The following CSMD1 variants were observed in gnomAD, a reference collection of about 807,000 sequenced individuals.
The protein encoded by CSMD1 is CUB and Sushi multiple domains 1.
In CSMD1, 213 loss-of-function variants were observed where a neutral mutation model predicts 417.5. That is an observed-to-expected ratio of 0.51 (90% CI 0.46 to 0.57). The LOEUF (loss-of-function observed/expected upper bound fraction) is 0.57. Among genes scored for constraint, CSMD1 ranks in the 20% least tolerant of loss-of-function variants. The pLI is 0.00. For missense variants in CSMD1, 6,923 were observed against 4,529.7 expected, an observed-to-expected ratio of 1.53 and a Z score of -15.17; for synonymous variants, 2,862 against 1,736.8, an observed-to-expected ratio of 1.65 and a Z score of -16.11.
chr8:3,285,339 C>T lies in CSMD1; in HGVS notation c.3951-993G>A, dbSNP rs1342090819. 2.0e-5 allele frequency among the ~76,000 whole-genome samples: 3 copies of T among 151,740 alleles called. No individual in the cohort carries two copies. The East Asian group carries it at 5.8e-4, about 29-fold the overall frequency. On this transcript the variant is annotated intron_variant, in intron 25 of 69. Transcript: ENST00000635120. ...TCCTTAAATATAGAGAAAAGTATAGCAGATAGTAGATCTTTATTTTCCTAC... is the reference window on the plus strand; with the variant it reads ...TCCTTAAATATAGAGAAAAGTATAGTAGATAGTAGATCTTTATTTTCCTAC...
intron 3 of CSMD1, among the ~76,000 whole-genome samples, chr8:4,313,475 G>T (rs191653155): frequency 9.6e-4 from 132 of 138,052 alleles, no homozygotes; most frequent in African/African-American, 3.4e-3. Flanking sequence ...GCAGGAACCC[G>T]AAGAGCTCCC....
At chr8:3,751,912 C>G (rs1797361919) in intron 6 of CSMD1, among the ~76,000 whole-genome samples, 1 of 152,110 alleles carries the variant, frequency 6.6e-6, no homozygotes, top group African/African-American at 2.4e-5. Context: ...GTTAATCAAC[C>G]TAACTGACTA....
At position 4,375,561 on chromosome 8, in the gene CSMD1, A is replaced by T. The variant is rs73175793; in HGVS notation, c.415+44392T>A. On this transcript the variant is annotated intron_variant, in intron 3 of 69. Transcript: ENST00000635120. ...ACATTTTAGCCCACTTCTTACTAAC[A>T]TTAGCATTTCAACTGAAGACTCCTA... 4.3e-3 allele frequency among the ~76,000 whole-genome samples: 647 copies of T among 152,142 alleles called. 5 individuals are homozygous for T. The highest frequency in any genetic ancestry group is 6.3e-3 in the Non-Finnish European group (429 of 68,000).
intron 25 of CSMD1, among the ~76,000 whole-genome samples, chr8:3,304,922 T>A (rs1804706599): frequency 6.6e-6 from 1 of 152,126 alleles, no homozygotes; most frequent in Non-Finnish European, 1.5e-5. Flanking sequence ...TATTTTTATA[T>A]AAAGTCATTC....
intron 5 of CSMD1, among the ~76,000 whole-genome samples, chr8:3,851,125 G>A (rs928167243): frequency 6.6e-5 from 10 of 152,306 alleles, no homozygotes; most frequent in Non-Finnish European, 8.8e-5. Context: ...TGTTTTCCAT[G>A]TAAAATAAGA....
At position 4,334,820 on chromosome 8, in the gene CSMD1, AG is replaced by A. The variant is rs569419909; in HGVS notation, c.415+85132del. Among the ~76,000 whole-genome samples, 478 of 152,232 alleles carry A rather than the reference AG, an allele frequency of 3.1e-3. 4 individuals carry two copies. Among genetic ancestry groups the A allele is most frequent in the African/African-American group, 0.01 (418 of 41,556 alleles). The stretch of plus-strand genomic sequence containing the variant: ...CTATGACAAAATGCCATATATTCGG[AG>A]GTTTTTAAAGAAAAGACATTTATTT... On this transcript the variant is annotated intron_variant, in intron 3 of 69. Transcript: ENST00000635120.
chr8:4,447,435 C>T (rs1798879637), intron 2 of CSMD1, among the ~76,000 whole-genome samples: 1 of 152,142 alleles, frequency 6.6e-6, no homozygotes, highest in Non-Finnish European at 1.5e-5. Flanking sequence ...TGTCTGGACC[C>T]AGAGGAAGGA....
chr8:4,904,905 G>C (rs944126459), intron 1 of CSMD1, among the ~76,000 whole-genome samples: 1 of 152,164 alleles, frequency 6.6e-6, no homozygotes, highest in African/African-American at 2.4e-5. Flanking sequence ...AAAAGAGCCT[G>C]CAAGCACTTC....
At chr8:3,115,482 G>A (rs1025670728) in intron 42 of CSMD1, among the ~76,000 whole-genome samples, 6 of 152,102 alleles carry the variant, frequency 3.9e-5, no homozygotes, top group South Asian at 2.1e-4. Flanking sequence ...GATTACAGGC[G>A]TGAGCCACTG....
At chr8:4,224,709 T>C (rs1321547089) in intron 3 of CSMD1, among the ~76,000 whole-genome samples, 4 of 152,228 alleles carry the variant, frequency 2.6e-5, no homozygotes, top group Non-Finnish European at 4.4e-5. Flanking sequence ...ATTACTAATA[T>C]AGCTTCTTTT....
intron 11 of CSMD1, among the ~76,000 whole-genome samples, chr8:3,480,602 A>G (rs1396582019): frequency 6.6e-6 from 1 of 152,198 alleles, no homozygotes; most frequent in Non-Finnish European, 1.5e-5. Flanking sequence ...TTAACCTCTC[A>G]AAAATAAACC....
chr8:4,972,280 C>G (rs554345448), intron 1 of CSMD1, among the ~76,000 whole-genome samples: 1 of 145,540 alleles, frequency 6.9e-6, no homozygotes, highest in Non-Finnish European at 1.5e-5. Context: ...TGCTCTGTCA[C>G]CACCAAAAAT....
chr8:4,373,603 G>A (rs975793238), intron 3 of CSMD1, among the ~76,000 whole-genome samples: 1 of 152,066 alleles, frequency 6.6e-6, no homozygotes, highest in Non-Finnish European at 1.5e-5. Context: ...TATGTGCGAT[G>A]GTGATTCATG....
In CSMD1 at chr8:3,723,790, T is replaced by G. The variant is rs181170187; in HGVS notation, c.932-15299A>C. ...GAAAGAGATGCATAAAGTGAACCCATGATTTCAAAATGACCGCAACTTACT... is the reference window on the plus strand; with the variant it reads ...GAAAGAGATGCATAAAGTGAACCCAGGATTTCAAAATGACCGCAACTTACT... On this transcript the variant is annotated intron_variant, in intron 6 of 69. Coordinates refer to ENST00000635120, the MANE Select transcript of CSMD1 (RefSeq NM_033225.6). Among the ~76,000 whole-genome samples, 9 of 152,274 alleles carry G rather than the reference T, an allele frequency of 5.9e-5. No individual in the cohort carries two copies. In the East Asian group the frequency reaches 1.7e-3, roughly 29 times the overall value.
At chr8:4,075,415 A>G (rs928286473) in intron 3 of CSMD1, among the ~76,000 whole-genome samples, 1 of 152,190 alleles carries the variant, frequency 6.6e-6, no homozygotes, top group African/African-American at 2.4e-5. Context: ...TTTTAATATC[A>G]AAATAAATTT....
At chr8:4,447,147 C>T (rs547142996) in intron 2 of CSMD1, among the ~76,000 whole-genome samples, 1 of 152,096 alleles carries the variant, frequency 6.6e-6, no homozygotes, top group Non-Finnish European at 1.5e-5. Context: ...TAAAGACAAA[C>T]AACATTTTAA....
rs867613248 is a variant in CSMD1 at position 3,206,626 on chromosome 8, G to C, written c.4868-1006C>G. 3.2e-4 allele frequency among the ~76,000 whole-genome samples: 45 copies of C among 140,818 alleles called. 1 individual carries two copies. In the South Asian group the frequency reaches 5.6e-3, roughly 18 times the overall value. The allele number at this position is 140,818 out of a possible 152,430, so 92.4% of individuals were successfully genotyped here. A position where few individuals can be genotyped will look rare whatever the true frequency, so the allele number is the denominator to read the frequency against. The stretch of plus-strand genomic sequence containing the variant: ...TGTATGTGTGTGTATGTGTGTGTGG[G>C]GTTATGTCTGTGTGTGTGTGGGTGT... On this transcript the variant is annotated intron_variant, in intron 30 of 69. Coordinates refer to ENST00000635120, the MANE Select transcript of CSMD1 (RefSeq NM_033225.6).
At chr8:4,386,006 C>A (rs1430404925) in intron 3 of CSMD1, among the ~76,000 whole-genome samples, 1 of 150,256 alleles carries the variant, frequency 6.7e-6, no homozygotes, top group African/African-American at 2.4e-5. Context: ...TTCATTTTAA[C>A]TTTCCCTTTT....
intron 3 of CSMD1, among the ~76,000 whole-genome samples, chr8:4,147,604 C>T (rs1010181793): frequency 7.2e-5 from 11 of 152,198 alleles, no homozygotes; most frequent in Admixed American, 4.6e-4. Flanking sequence ...ATATCGGTTC[C>T]CTAATGCAGC....
Sources: gnomAD v4.1 joint callset for allele counts (sites outside exome capture counted in the v4.1 genomes callset) on GRCh38, gnomAD v4.1.1 for gene constraint, MANE v1.5 for transcripts, NCBI Gene and HGNC (gene_info 2026-07-23, HGNC 2026-07-21) for gene names.